NUDT6: variants seen among roughly 807,000 people sequenced by gnomAD.
NUDT6 encodes the protein nudix hydrolase 6.
NUDT6 carries 24 observed loss-of-function variants against 36.8 expected under a neutral mutation model. The observed-to-expected ratio is 0.65, with a 90% CI of 0.47 to 0.92. The LOEUF is 0.92. NUDT6 is among the 40% of genes least tolerant of loss of function. The pLI, the probability that NUDT6 is intolerant of heterozygous loss-of-function variation, is 0.00. For missense variants in NUDT6, 388 were observed against 392.8 expected, an observed-to-expected ratio of 0.99 and a Z score of 0.10; for synonymous variants, 163 against 157.0, an observed-to-expected ratio of 1.04 and a Z score of -0.29.
At chr4:122,918,450 A>G (rs1727897586) in intron 1 of NUDT6, 1 of 152,224 alleles carries the variant, frequency 6.6e-6, no homozygotes, top group Non-Finnish European at 1.5e-5. Flanking sequence ...CATGAAAGGT[A>G]TTACTACCTT....
intron 3 of NUDT6, among the ~76,000 whole-genome samples, chr4:122,905,061 G>C (rs1297265971): frequency 6.6e-6 from 1 of 152,208 alleles, no homozygotes; most frequent in Non-Finnish European, 1.5e-5. Context: ...GGTTGCCACT[G>C]CTGGCTGAAG....
At position 122,922,567 on chromosome 4, in the gene NUDT6, C is replaced by G. The variant is rs775518617; in HGVS notation, c.6G>C (p.Arg2=). 5.6e-6 allele frequency: 9 copies of G among 1,593,564 alleles called. No individual in the cohort carries two copies. Among genetic ancestry groups the G allele is most frequent in the Non-Finnish European group, 2.6e-6 (3 of 1,174,814 alleles). Residue 2 remains arginine (R), a synonymous_variant, in exon 1 of 5, where the codon CGG becomes CGC. Transcript: ENST00000304430. The part of the protein sequence containing the change: M[R]QPLSWGRWRA... ...GCCAGCGGCCCCAGCTCAGTGGCTG[C>G]CGCATCTCCACGCCGCTTAATTCGT...
At chr4:122,905,046 C>T (rs1393830335) in intron 3 of NUDT6, among the ~76,000 whole-genome samples, 1 of 152,154 alleles carries the variant, frequency 6.6e-6, no homozygotes. Flanking sequence ...AAGGGGACCC[C>T]AGCGGGTTGC....
chr4:122,899,060 T>TTTTTTTTTTTTTG (rs70955079), intron 3 of NUDT6, among the ~76,000 whole-genome samples: 2 of 145,026 alleles, frequency 1.4e-5, no homozygotes, highest in African/African-American at 2.5e-5. Context: ...TTTTTTTTTT[T>TTTTTTTTTTTTTG]AGAGATGAGA....
chr4:122,907,449 CTTT>C (rs374300011), intron 3 of NUDT6, among the ~76,000 whole-genome samples: 13 of 125,400 alleles, frequency 1.0e-4, no homozygotes, highest in Non-Finnish European at 1.3e-4. Context: ...TCTTTACTTT[CTTT>C]TTTTTTTTTT....
rs58702448 is a variant in NUDT6 at position 122,907,452 on chromosome 4, T to TC, written c.498+5115_498+5116insG. Among the ~76,000 whole-genome samples the TC allele has an allele frequency of 3.0e-3, 313 of 103,828 alleles. 11 individuals are homozygous for TC. In the East Asian group the frequency reaches 0.057, roughly 19 times the overall value. The allele number at this position is 103,828 out of a possible 152,430, so 68.1% of individuals were successfully genotyped here. A position where few individuals can be genotyped will look rare whatever the true frequency, so the allele number is the denominator to read the frequency against. ...ACCTGGCCTATTTCTTTACTTTCTT[T>TC]TTTTTTTTTTTTTTCTGAGACAGAG... On this transcript the variant is annotated intron_variant, in intron 3 of 4. Transcript: ENST00000304430.
At chr4:122,915,475 A>AAAAAAAAAAC (rs1727813394) in intron 2 of NUDT6, among the ~76,000 whole-genome samples, 2 of 67,594 alleles carry the variant, frequency 3.0e-5, no homozygotes, top group African/African-American at 9.5e-5. Context: ...GCCTCAAAAA[A>AAAAAAAAAAC]AAAAAAAAAA....
chr4:122,915,447 G>A (rs562207462), intron 2 of NUDT6, among the ~76,000 whole-genome samples: 2 of 131,468 alleles, frequency 1.5e-5, no homozygotes, highest in South Asian at 2.7e-4. Context: ...TCCAGCCTGG[G>A]TGACAAAGTG....
In NUDT6 at chr4:122,893,193, T is replaced by C; in HGVS notation, c.586A>G (p.Thr196Ala). ...GACCTGAATTCTGATTTTATACCAG[T>C]CTCTTCAAAAACTTCTCGAACCGCT... ...DTAVREVFEE[T>A]GIKSEFRSVL... Residue 196 changes from threonine to alanine, a missense_variant, in exon 5 of 5, where the codon ACT becomes GCT. By Grantham distance (58) the Thr-to-Ala change is moderately conservative. Coordinates refer to ENST00000304430, the MANE Select transcript of NUDT6 (RefSeq NM_007083.5). 1 of 1,611,638 alleles carries C rather than the reference T, an allele frequency of 6.2e-7. No individual in the cohort carries two copies.
chr4:122,917,051 T>A (rs1727859992), intron 2 of NUDT6, among the ~76,000 whole-genome samples: 1 of 152,210 alleles, frequency 6.6e-6, no homozygotes, highest in African/African-American at 2.4e-5. Flanking sequence ...AGAGTTTTTT[T>A]CTGGAATTTT....
chr4:122,922,680 G>A, upstream of NUDT6: 5 of 967,162 alleles, frequency 5.2e-6, no homozygotes, highest in Non-Finnish European at 7.6e-6. Flanking sequence ...TCAGAGTTGA[G>A]CTGGGGTTAC....
At chr4:122,917,417 A>G in intron 2 of NUDT6, 84 bp downstream of exon 2, 1 of 1,113,530 alleles carries the variant, frequency 9.0e-7, no homozygotes, top group South Asian at 1.3e-5. Flanking sequence ...CCACATGAAT[A>G]AACTATTTGC....
rs7675944 is a variant in NUDT6 at position 122,902,926 on chromosome 4, A to C, written c.499-5248T>G. Among the ~76,000 whole-genome samples, 745 of 152,280 alleles carry C rather than the reference A, an allele frequency of 4.9e-3. 9 individuals are homozygous for C. The highest frequency in any genetic ancestry group is 0.017 in the African/African-American group (713 of 41,572). On this transcript the variant is annotated intron_variant, in intron 3 of 4. Transcript: ENST00000304430. ...ATGCCTGGGGAGAGTGAGGTACATA[A>C]AGAAAGGAGAGCAACTGGCTTGGAT...
At chr4:122,896,497 G>A (rs1479428312) in intron 4 of NUDT6, 1 of 152,114 alleles carries the variant, frequency 6.6e-6, no homozygotes, top group African/African-American at 2.4e-5. Context: ...CTGCTCTCAC[G>A]TGGCACCAGT....
rs1184735199 is a variant in NUDT6, at chr4:122,902,092, T to C, written c.499-4414A>G. On this transcript the variant is annotated intron_variant, in intron 3 of 4. Transcript: ENST00000304430. ...ATCGCCTTTTATAATTCAGACCTAC[T>C]GTATTTAGATAAATCTCATTAGATA... Among the ~76,000 whole-genome samples the C allele has an allele frequency of 2.6e-5, 4 of 152,226 alleles. No individual in the cohort carries two copies. In the East Asian group the frequency reaches 7.7e-4, roughly 29 times the overall value.
intron 3 of NUDT6, among the ~76,000 whole-genome samples, chr4:122,908,106 C>G (rs1055981714): frequency 1.9e-4 from 28 of 146,452 alleles, no homozygotes; most frequent in African/African-American, 6.9e-4. Context: ...CAAGGGGACC[C>G]CAAAAAAATC....
intron 3 of NUDT6, among the ~76,000 whole-genome samples, chr4:122,911,067 C>A (rs576667839): frequency 1.3e-5 from 2 of 152,262 alleles, no homozygotes; most frequent in South Asian, 4.1e-4. Context: ...ATTTATGTTA[C>A]TTGTACATAC....
At chr4:122,896,148 T>C (rs112821043) in intron 4 of NUDT6, 37 of 152,556 alleles carry the variant, frequency 2.4e-4, no homozygotes, top group Non-Finnish European at 4.0e-4. Context: ...ATATGATCTC[T>C]GGGTAGGTGA....
intron 3 of NUDT6, among the ~76,000 whole-genome samples, chr4:122,899,413 TG>T (rs1410806658): frequency 2.6e-5 from 4 of 152,172 alleles, no homozygotes; most frequent in Admixed American, 2.0e-4. Flanking sequence ...ATTAGGTATA[TG>T]TTTATGCTGG....
Sources: gnomAD v4.1 joint callset for allele counts (sites outside exome capture counted in the v4.1 genomes callset) on GRCh38, gnomAD v4.1.1 for gene constraint, MANE v1.5 for transcripts, NCBI Gene and HGNC (gene_info 2026-07-23, HGNC 2026-07-21) for gene names.